SEMA6D: variants seen among roughly 807,000 people sequenced by gnomAD.
The protein encoded by SEMA6D is semaphorin-6D.
In SEMA6D, 35 loss-of-function variants were observed where a neutral mutation model predicts 106.6. The observed-to-expected ratio is 0.33, with a 90% CI of 0.25 to 0.44. The LOEUF (loss-of-function observed/expected upper bound fraction) is 0.44, where lower values mean the gene tolerates loss of function less well. SEMA6D is among the 20% of genes least tolerant of loss of function. SEMA6D has a pLI of 1.00. For missense variants in SEMA6D, 1,185 were observed against 1,345.9 expected (o/e 0.88, Z 1.87); for synonymous variants, 499 against 487.7 (o/e 1.02, Z -0.31).
At chr15:47,259,464 C>CTT (rs59400435) in intron 1 of SEMA6D, among the ~76,000 whole-genome samples, 1 of 144,638 alleles carries the variant, frequency 6.9e-6, no homozygotes. Context: ...GTTGAGAGTT[C>CTT]TTTTTTTTTT....
chr15:47,303,763 A>G (rs547154683), intron 1 of SEMA6D, among the ~76,000 whole-genome samples: 38 of 152,312 alleles, frequency 2.5e-4, no homozygotes, highest in South Asian at 1.0e-3. Flanking sequence ...ACACCAGTAT[A>G]TAAGTTTATA....
intron 3 of SEMA6D, among the ~76,000 whole-genome samples, chr15:47,598,271 A>G (rs1157570949): frequency 6.6e-6 from 1 of 152,122 alleles, no homozygotes; most frequent in African/African-American, 2.4e-5. Context: ...CCCTCATAAT[A>G]TTAATATAAT....
chr15:47,506,968 C>T (rs2044064258), intron 3 of SEMA6D, among the ~76,000 whole-genome samples: 1 of 152,222 alleles, frequency 6.6e-6, no homozygotes, highest in Non-Finnish European at 1.5e-5. Flanking sequence ...TCTAATGCTA[C>T]AGTGCTGCTA....
chr15:47,248,127 G>A (rs926975428), intron 1 of SEMA6D, among the ~76,000 whole-genome samples: 2 of 152,144 alleles, frequency 1.3e-5, no homozygotes, highest in Admixed American at 1.3e-4. Context: ...CATGAACCCA[G>A]TGGAACCCAA....
intron 1 of SEMA6D, among the ~76,000 whole-genome samples, chr15:47,293,440 T>A (rs918209724): frequency 6.6e-6 from 1 of 152,206 alleles, no homozygotes; most frequent in South Asian, 2.1e-4. Context: ...AATTCACCAC[T>A]CTTCCTTGGT....
intron 1 of SEMA6D, among the ~76,000 whole-genome samples, chr15:47,314,414 C>T (rs1052722423): frequency 1.9e-4 from 29 of 150,416 alleles, no homozygotes; most frequent in South Asian, 4.2e-4. Flanking sequence ...CTGGCTAAAA[C>T]GGTGAAACCC....
chr15:47,628,792 T>C (rs1040801113), intron 4 of SEMA6D, among the ~76,000 whole-genome samples: 3 of 152,226 alleles, frequency 2.0e-5, no homozygotes, highest in African/African-American at 7.2e-5. Context: ...ACATTTAGTG[T>C]CAAGGCCATG....
intron 3 of SEMA6D, among the ~76,000 whole-genome samples, chr15:47,564,127 A>G (rs1431615291): frequency 6.6e-6 from 1 of 152,240 alleles, no homozygotes; most frequent in East Asian, 1.9e-4. Context: ...GTGTTTACTC[A>G]TAGGTCTTGA....
In SEMA6D at chr15:47,334,076, C is replaced by T. The variant is rs200474550; in HGVS notation, c.-238-78317C>T. ...CACTTTTTATTTTATCACATTTCTA[C>T]GTGGTTGTCAATTTGCCTGTGTAAT... On this transcript the variant is annotated intron_variant, in intron 1 of 19. Coordinates refer to the SEMA6D transcript ENST00000558014. 6.6e-5 allele frequency among the ~76,000 whole-genome samples: 10 copies of T among 152,264 alleles called. No homozygotes were observed. The East Asian group carries it at 9.7e-4, about 15-fold the overall frequency.
intron 4 of SEMA6D, among the ~76,000 whole-genome samples, chr15:47,611,414 T>C (rs1464977057): frequency 6.6e-6 from 1 of 152,216 alleles, no homozygotes; most frequent in Admixed American, 6.5e-5. Flanking sequence ...GTCACAATTT[T>C]TAAGATTTGG....
At chr15:47,628,660 G>T (rs2077243347) in intron 4 of SEMA6D, among the ~76,000 whole-genome samples, 1 of 152,016 alleles carries the variant, frequency 6.6e-6, no homozygotes, top group Non-Finnish European at 1.5e-5. Flanking sequence ...TCCTTTGTCA[G>T]TTGTATGTAT....
intron 1 of SEMA6D, among the ~76,000 whole-genome samples, chr15:47,193,029 G>A (rs983051442): frequency 5.9e-5 from 9 of 152,088 alleles, no homozygotes; most frequent in African/African-American, 2.2e-4. Context: ...TTTGGGCCTG[G>A]ATCATTGCCT....
chr15:47,732,460 G>A (rs1035626065), intron 1 of SEMA6D, among the ~76,000 whole-genome samples: 6 of 152,018 alleles, frequency 3.9e-5, no homozygotes, highest in Non-Finnish European at 8.8e-5. Context: ...AGATTTTCCC[G>A]GGCTCTCATT....
chr15:47,544,057 A>G (rs892374151), intron 3 of SEMA6D, among the ~76,000 whole-genome samples: 11 of 152,178 alleles, frequency 7.2e-5, no homozygotes. Context: ...GTTAATTTTG[A>G]CCACGAAAAT....
chr15:47,654,865 T>G (rs2077761425), intron 4 of SEMA6D, among the ~76,000 whole-genome samples: 2 of 152,220 alleles, frequency 1.3e-5, no homozygotes, highest in Non-Finnish European at 2.9e-5. Flanking sequence ...CAGAACCATA[T>G]GCCAATTATA....
At chr15:47,315,766 A>G (rs1367382170) in intron 1 of SEMA6D, among the ~76,000 whole-genome samples, 1 of 152,170 alleles carries the variant, frequency 6.6e-6, no homozygotes, top group Non-Finnish European at 1.5e-5. Flanking sequence ...TTGACTTAGT[A>G]TGAGAGTTTT....
Position 47,771,305 on chromosome 15 carries a change from G to T in SEMA6D, c.2742G>T (p.Ser914=), listed in dbSNP as rs765465054. ...ACTTAATGCTGGATCCCATGGGATC[G>T]ATGTCTGAGGTCCCACCTAAAGTCC... ...HQNLMLDPMG[S]MSEVPPKVPN... The change falls in exon 19 of 19, where the codon TCG becomes TCT. Residue 914 remains serine, a synonymous_variant. Coordinates refer to ENST00000536845, the MANE Select transcript of SEMA6D (RefSeq NM_001358351.3). 3 of 1,613,750 alleles carry T rather than the reference G, an allele frequency of 1.9e-6. No individual in the cohort carries two copies. In the South Asian group the frequency reaches 3.3e-5, roughly 18 times the overall value.
intron 1 of SEMA6D, among the ~76,000 whole-genome samples, chr15:47,345,630 T>G (rs985142971): frequency 6.6e-6 from 1 of 152,192 alleles, no homozygotes; most frequent in African/African-American, 2.4e-5. Context: ...AGAAAACGTT[T>G]GTCTCCTTGA....
At chr15:47,249,377 G>T (rs2033380828) in intron 1 of SEMA6D, among the ~76,000 whole-genome samples, 1 of 152,092 alleles carries the variant, frequency 6.6e-6, no homozygotes, top group Non-Finnish European at 1.5e-5. Flanking sequence ...CCTAGTCTCT[G>T]CAGGGCTCCG....
Sources: gnomAD v4.1 joint callset for allele counts (sites outside exome capture counted in the v4.1 genomes callset) on GRCh38, gnomAD v4.1.1 for gene constraint, MANE v1.5 for transcripts, NCBI Gene and HGNC (gene_info 2026-07-23, HGNC 2026-07-21) for gene names.